The following DLG1 variants were observed in gnomAD, a reference collection of about 807,000 sequenced individuals.
The protein encoded by DLG1 is discs large MAGUK scaffold protein 1, also known as disks large homolog 1.
In DLG1, 42 loss-of-function variants were observed where a neutral mutation model predicts 123.4. The observed-to-expected ratio is 0.34, with a 90% CI of 0.27 to 0.44. DLG1 has a LOEUF of 0.44. DLG1 is among the 20% of genes least tolerant of loss of function. The probability of loss-of-function intolerance (pLI) is 1.00; values close to 1 mark genes in which losing one functional copy is unlikely to be tolerated. For missense variants in DLG1, 942 were observed against 1,082.6 expected, an observed-to-expected ratio of 0.87 and a Z score of 1.82; for synonymous variants, 317 against 356.2, an observed-to-expected ratio of 0.89 and a Z score of 1.24.
At position 197,140,175 on chromosome 3, in the gene DLG1, G is replaced by C; in HGVS notation, c.678C>G (p.Ile226Met). The C allele has an allele frequency of 6.2e-7, 1 of 1,613,394 alleles. No individual in the cohort carries two copies. Among genetic ancestry groups the C allele is most frequent in the Non-Finnish European group, 8.5e-7 (1 of 1,179,584 alleles). The change falls in exon 8 of 25, where the codon ATC becomes ATG. Residue 226 changes from isoleucine to methionine, a missense_variant. Ile to Met is a conservative substitution (Grantham distance 10). Transcript: ENST00000667157. ...CATCTTGGGCGGCTGCTCCCCCTGT[G>C]ATAATTTTGGTAATGAAAATACTTG... ...DDSSIFITKI[I>M]TGGAAAQDGR...
At chr3:197,179,843 G>A (rs937468997) in intron 5 of DLG1, among the ~76,000 whole-genome samples, 2 of 152,064 alleles carry the variant, frequency 1.3e-5, no homozygotes, top group African/African-American at 2.4e-5. Flanking sequence ...GTACAAATTA[G>A]CCTAAATATT....
At chr3:197,055,986 T>C (rs563844744) in intron 23 of DLG1, among the ~76,000 whole-genome samples, 1 of 152,330 alleles carries the variant, frequency 6.6e-6, no homozygotes, top group South Asian at 2.1e-4. Flanking sequence ...ACAAACCCTA[T>C]GCAAAGCTGC....
At chr3:197,123,024 A>T (rs961424337) in intron 11 of DLG1, among the ~76,000 whole-genome samples, 2 of 152,164 alleles carry the variant, frequency 1.3e-5, no homozygotes, top group Admixed American at 6.5e-5. Context: ...AGGTTCATAT[A>T]TATGTGGTCA....
intron 24 of DLG1, among the ~76,000 whole-genome samples, chr3:197,048,344 G>A (rs1724862384): frequency 6.6e-6 from 1 of 152,136 alleles, no homozygotes; most frequent in Admixed American, 6.6e-5. Flanking sequence ...GGTGGCATGT[G>A]CCTGTAATCC....
At chr3:197,060,902 T>C (rs536809753) in intron 22 of DLG1, among the ~76,000 whole-genome samples, 2 of 152,352 alleles carry the variant, frequency 1.3e-5, no homozygotes, top group East Asian at 1.9e-4. Flanking sequence ...CTCGGCTTAC[T>C]GCAACTTCCG....
Position 197,153,200 on chromosome 3 carries a change from T to G in DLG1, c.484-3404A>C, listed in dbSNP as rs80036177. ...TCAAAGTTAAATGCTATGACTGAGG[T>G]GATCACTGCAGGTTAAAATGATTGT... is the stretch of plus-strand genomic sequence containing the variant. On this transcript the variant is annotated intron_variant, in intron 5 of 24. Coordinates refer to ENST00000667157, the MANE Select transcript of DLG1 (RefSeq NM_001366207.1). Among the ~76,000 whole-genome samples, 1,425 of 152,252 alleles carry G rather than the reference T, an allele frequency of 9.4e-3. 121 individuals are homozygous for G. In the East Asian group the frequency reaches 0.21, roughly 22 times the overall value.
intron 4 of DLG1, among the ~76,000 whole-genome samples, chr3:197,230,021 C>T (rs1578381362): frequency 6.6e-6 from 1 of 152,274 alleles, no homozygotes; most frequent in South Asian, 2.1e-4. Flanking sequence ...TTAATAAATG[C>T]AAGCCAAGGT....
At chr3:197,064,216 A>G (rs965397060) in intron 22 of DLG1, among the ~76,000 whole-genome samples, 5 of 141,682 alleles carry the variant, frequency 3.5e-5, no homozygotes, top group African/African-American at 1.3e-4. Context: ...TTTTTGAGGC[A>G]GAGTTTCACT....
At chr3:197,056,460 T>C (rs1731757251) in intron 23 of DLG1, among the ~76,000 whole-genome samples, 1 of 152,218 alleles carries the variant, frequency 6.6e-6, no homozygotes, top group Non-Finnish European at 1.5e-5. Context: ...CAGGTTTGGG[T>C]ATCAAATTAA....
rs1176085760 is a variant in DLG1, at chr3:197,282,861, T to TA, written c.152-17dup. The TA allele has an allele frequency of 7.1e-7, 1 of 1,409,748 alleles. No homozygotes were observed. The highest frequency in any genetic ancestry group is 1.4e-5 in the African/African-American group (1 of 69,004). The allele number at this position is 1,409,748 out of a possible 1,614,324, so 87.3% of individuals were successfully genotyped here. ...TCTTGAATATCTAGAAGAAGGAAAA[T>TA]AAAAATTCATAAGTATTTATATTTT... is the stretch of plus-strand genomic sequence containing the variant. On this transcript the variant is annotated splice_polypyrimidine_tract_variant and intron_variant, in intron 3 of 24. Coordinates refer to ENST00000667157, the MANE Select transcript of DLG1 (RefSeq NM_001366207.1).
At chr3:197,265,976 G>C (rs529444907) in intron 4 of DLG1, among the ~76,000 whole-genome samples, 1 of 152,176 alleles carries the variant, frequency 6.6e-6, no homozygotes, top group Non-Finnish European at 1.5e-5. Flanking sequence ...CTTGAACCCA[G>C]GAAGCGGAGG....
chr3:197,168,386 G>A (rs1802456184), intron 5 of DLG1, among the ~76,000 whole-genome samples: 1 of 152,086 alleles, frequency 6.6e-6, no homozygotes, highest in African/African-American at 2.4e-5. Context: ...GAACAACAAA[G>A]TAATTCATTT....
chr3:197,065,976 T>C (rs1739256168), intron 20 of DLG1, among the ~76,000 whole-genome samples, 167 bp from the exon 21 acceptor site: 1 of 152,258 alleles, frequency 6.6e-6, no homozygotes, highest in Non-Finnish European at 1.5e-5. Flanking sequence ...TCTTTTATAA[T>C]CTTGACTCAG....
At chr3:197,078,614 T>C (rs911093686) in intron 17 of DLG1, 2 of 152,312 alleles carry the variant, frequency 1.3e-5, no homozygotes, top group South Asian at 4.1e-4. Flanking sequence ...GGCTTATAAC[T>C]ATTTTATAAA....
upstream of DLG1, chr3:197,298,855 G>A (rs990512410): frequency 2.0e-5 from 7 of 353,860 alleles, no homozygotes; most frequent in African/African-American, 1.5e-4. Context: ...GCAAGAGTTT[G>A]AGGGTTATAG....
chr3:197,281,124 G>A (rs528499952), intron 4 of DLG1, among the ~76,000 whole-genome samples: 49 of 148,916 alleles, frequency 3.3e-4, no homozygotes, highest in African/African-American at 1.1e-3. Flanking sequence ...TGCAACCTCC[G>A]CCTCCCAGGT....
In DLG1 at chr3:197,093,638, T is replaced by G. The variant is rs1307618284; in HGVS notation, c.1547-2612A>C. On this transcript the variant is annotated intron_variant, in intron 14 of 24. Coordinates refer to ENST00000667157, the MANE Select transcript of DLG1 (RefSeq NM_001366207.1). ...TTCTTTGTGGTAGGTATGACTCTTA[T>G]GTACTGCACAGGGTTAAATTCTGCT... Among the ~76,000 whole-genome samples the G allele has an allele frequency of 2.6e-5, 4 of 152,236 alleles. No homozygotes were observed. The East Asian group carries it at 5.8e-4, about 22-fold the overall frequency.
At chr3:197,131,565 T>C (rs1342574639) in intron 10 of DLG1, among the ~76,000 whole-genome samples, 5 of 149,792 alleles carry the variant, frequency 3.3e-5, no homozygotes, top group Non-Finnish European at 5.9e-5. Flanking sequence ...TCAGCAAATA[T>C]AGTTTTATTT....
intron 14 of DLG1, among the ~76,000 whole-genome samples, chr3:197,095,648 G>A (rs1760237270): frequency 6.6e-6 from 1 of 152,028 alleles, no homozygotes. Flanking sequence ...CTTGATAAAA[G>A]TTGTGTCTGC....
Sources: gnomAD v4.1 joint callset for allele counts (sites outside exome capture counted in the v4.1 genomes callset) on GRCh38, gnomAD v4.1.1 for gene constraint, MANE v1.5 for transcripts, NCBI Gene and HGNC (gene_info 2026-07-23, HGNC 2026-07-21) for gene names.